EEF1D: variants seen among roughly 807,000 people sequenced by gnomAD.
EEF1D encodes the protein elongation factor 1-delta.
A neutral mutation model predicts 63.9 loss-of-function variants in EEF1D; 47 were observed. The observed-to-expected ratio is 0.74, with a 90% CI of 0.58 to 0.94. The LOEUF (loss-of-function observed/expected upper bound fraction) is 0.94. EEF1D is among the 40% of genes least tolerant of loss of function. The pLI, the probability that EEF1D is intolerant of heterozygous loss-of-function variation, is 0.00. For synonymous variants in EEF1D, 412 were observed against 386.1 expected, an observed-to-expected ratio of 1.07 and a Z score of -0.79; for missense variants, 907 against 899.0, an observed-to-expected ratio of 1.01 and a Z score of -0.11.
In EEF1D at chr8:143,589,072, ACCCG is replaced by A; in HGVS notation, c.1006_1009del (p.Arg336TrpfsTer25). ...GGAGGCAGCTTCGAGGCACCAGGCC[ACCCG>A]CAGGGCCTCGGCAGCGTGGTGGCGG... is the stretch of plus-strand genomic sequence containing the variant. On this transcript the variant is annotated frameshift_variant, in exon 3 of 10. Transcript: ENST00000618139. LOFTEE classifies it high-confidence loss of function. 1 of 1,609,044 alleles carries A rather than the reference ACCCG, an allele frequency of 6.2e-7. No homozygotes were observed. Among genetic ancestry groups the A allele is most frequent in the Non-Finnish European group, 8.5e-7 (1 of 1,179,432 alleles).
At chr8:143,586,901 G>C in intron 3 of EEF1D, 49 bp from the exon 4 acceptor site, 1 of 1,607,056 alleles carries the variant, frequency 6.2e-7, no homozygotes, top group Non-Finnish European at 8.5e-7. Flanking sequence ...GTGGGCCTCG[G>C]CATCAGGACA....
At chr8:143,580,889 G>A (rs1825367785) in intron 7 of EEF1D, 162 bp from the exon 8 acceptor site, 3 of 1,103,182 alleles carry the variant, frequency 2.7e-6, no homozygotes, top group Non-Finnish European at 3.9e-6. Flanking sequence ...GACAAAAACT[G>A]CCTCCACCTG....
At chr8:143,587,048 A>G (rs1826798833) in intron 3 of EEF1D, 196 bp from the exon 4 acceptor site, 5 of 645,594 alleles carry the variant, frequency 7.7e-6, no homozygotes, top group Admixed American at 6.3e-5. Context: ...GAGTTCTCAA[A>G]GTGTGGTCCG....
In EEF1D at chr8:143,589,749, C is replaced by A; in HGVS notation, c.333G>T (p.Val111=). Residue 111 remains valine, a synonymous_variant, in exon 3 of 10, where the codon GTG becomes GTT. Transcript: ENST00000618139. The stretch of plus-strand genomic sequence containing the variant: ...GGTCGAAAAGTGACTTGTCCAGCCA[C>A]ACGCGTTCGGCCGAGAGGCCCAGGA... ...LALLGLSAER[V]WLDKSLFDQA... 6.5e-7 allele frequency: 1 copy of A among 1,532,704 alleles called. No individual in the cohort carries two copies. Among genetic ancestry groups the A allele is most frequent in the Non-Finnish European group, 8.8e-7 (1 of 1,140,818 alleles). 94.9% of individuals were successfully genotyped at this position (1,532,704 alleles called of 1,614,324 possible). A position where few individuals can be genotyped will look rare whatever the true frequency, so the allele number is the denominator to read the frequency against.
chr8:143,590,505 G>T, intron 2 of EEF1D: 1 of 1,162,532 alleles, frequency 8.6e-7, no homozygotes, highest in Non-Finnish European at 1.1e-6. Flanking sequence ...GGCCAGGCCT[G>T]GCCACCCCAC....
chr8:143,590,345 A>C lies in EEF1D; in HGVS notation c.1-264T>G. The C allele has an allele frequency of 4.7e-6, 3 of 635,010 alleles. No individual in the cohort carries two copies. In the South Asian group the frequency reaches 5.9e-5, roughly 13 times the overall value. 39.3% of individuals were successfully genotyped at this position (635,010 alleles called of 1,614,324 possible). The stretch of plus-strand genomic sequence containing the variant: ...TGTAATCTCAGTACTCTGGGAGGCC[A>C]AGTGCCTCCCAATACATGAACAATA... On this transcript the variant is annotated intron_variant, in intron 2 of 9. Coordinates refer to ENST00000618139, the MANE Select transcript of EEF1D (RefSeq NM_001130053.5).
intron 4 of EEF1D, among the ~76,000 whole-genome samples, 165 bp downstream of exon 4, chr8:143,586,564 G>A (rs1422859900): frequency 6.6e-6 from 1 of 152,146 alleles, no homozygotes; most frequent in Non-Finnish European, 1.5e-5. Context: ...CGGCCCGGGG[G>A]CCCGGCCAAG....
intron 1 of EEF1D, among the ~76,000 whole-genome samples, chr8:143,594,963 T>C (rs1376728516): frequency 1.3e-5 from 2 of 152,200 alleles, no homozygotes; most frequent in African/African-American, 2.4e-5. Context: ...TGGAGTGCAG[T>C]GGCGCGATCT....
Position 143,589,496 on chromosome 8 carries a change from T to A in EEF1D, c.586A>T (p.Thr196Ser). 1 of 1,517,758 alleles carries A rather than the reference T, an allele frequency of 6.6e-7. No individual in the cohort carries two copies. The highest frequency in any genetic ancestry group is 8.9e-7 in the Non-Finnish European group (1 of 1,129,632). 94.0% of individuals were successfully genotyped at this position (1,517,758 alleles called of 1,614,324 possible). A position where few individuals can be genotyped will look rare whatever the true frequency, so the allele number is the denominator to read the frequency against. The change falls in exon 3 of 10, where the codon ACT (threonine) becomes TCT (serine). Residue 196 changes from threonine to serine, a missense_variant. By Grantham distance (58) the Thr-to-Ser change is moderately conservative. Transcript: ENST00000618139. ...LAPDGSRRQGTPNTGQQVAVP... is the reference protein window; with the variant it reads ...LAPDGSRRQGSPNTGQQVAVP... ...GCCACCTGCTGGCCTGTGTTGGGAG[T>A]CCCCTGCCTGCGGCTGCCGTCGGGG...
rs376925270 is a variant in EEF1D, at chr8:143,589,116, G to A, written c.966C>T (p.Tyr322=). The A allele has an allele frequency of 5.7e-5, 91 of 1,610,348 alleles. 3 individuals are homozygous for A. The South Asian group carries it at 7.1e-4, about 12-fold the overall frequency. The change falls in exon 3 of 10, where the codon TAC becomes TAT. Residue 322 remains tyrosine (Y), a synonymous_variant. Coordinates refer to ENST00000618139, the MANE Select transcript of EEF1D (RefSeq NM_001130053.5). The part of the protein sequence containing the change: ...AEAPWLSKPA[Y]DSAECRHHAA... ...CGTGGTGGCGGCACTCGGCGCTGTC[G>A]TAGGCAGGCTTGCTGAGCCAGGGGG...
chr8:143,596,176 C>T (rs75547282), intron 1 of EEF1D: 21,554 of 152,598 alleles, frequency 0.14, 1,944 homozygotes, highest in East Asian at 0.34. Flanking sequence ...GCAGCGGGGG[C>T]TCTGTCGGCT....
At chr8:143,596,365 G>A (rs531388969) in intron 1 of EEF1D, 5 of 152,410 alleles carry the variant, frequency 3.3e-5, no homozygotes, top group African/African-American at 1.2e-4. Context: ...TTCCTCAGAG[G>A]ACGCTCGGGG....
intron 1 of EEF1D, chr8:143,594,092 C>G: frequency 1.1e-5 from 2 of 188,444 alleles, no homozygotes; most frequent in Non-Finnish European, 2.0e-5. Context: ...CACAGGGAGA[C>G]AGCTGGCTGC....
At chr8:143,594,821 G>A (rs1271202848) in intron 1 of EEF1D, among the ~76,000 whole-genome samples, 2 of 152,256 alleles carry the variant, frequency 1.3e-5, no homozygotes, top group Non-Finnish European at 2.9e-5. Context: ...AGAGGCTGGA[G>A]CCCCTGAGGA....
In EEF1D at chr8:143,589,492, G is replaced by A; in HGVS notation, c.590C>T (p.Pro197Leu). ...GACGGCCACCTGCTGGCCTGTGTTGGGAGTCCCCTGCCTGCGGCTGCCGTC... is the reference window on the plus strand; with the variant it reads ...GACGGCCACCTGCTGGCCTGTGTTGAGAGTCCCCTGCCTGCGGCTGCCGTC... ...APDGSRRQGT[P>L]NTGQQVAVPD... The change falls in exon 3 of 10, where the codon CCC (proline) becomes CTC (leucine). Residue 197 changes from proline (P) to leucine (L), a missense_variant. Transcript: ENST00000618139. 2.0e-6 allele frequency: 3 copies of A among 1,523,514 alleles called. No individual in the cohort carries two copies. The highest frequency in any genetic ancestry group is 2.6e-6 in the Non-Finnish European group (3 of 1,132,088). 94.4% of individuals were successfully genotyped at this position (1,523,514 alleles called of 1,614,324 possible).
intron 2 of EEF1D, chr8:143,592,151 C>T: frequency 2.0e-6 from 2 of 985,492 alleles, no homozygotes; most frequent in Non-Finnish European, 2.4e-6. Flanking sequence ...GAGCAAGAGC[C>T]CAGGAGACAG....
At chr8:143,585,249 A>G (rs1384149218) in intron 5 of EEF1D, among the ~76,000 whole-genome samples, 9 of 152,186 alleles carry the variant, frequency 5.9e-5, no homozygotes, top group Non-Finnish European at 1.2e-4. Flanking sequence ...AAGCAAGTAC[A>G]AGAACCACGT....
intron 8 of EEF1D, 61 bp downstream of exon 8, chr8:143,580,445 G>T (rs1051321946): frequency 2.6e-6 from 4 of 1,564,744 alleles, no homozygotes; most frequent in Non-Finnish European, 3.5e-6. Context: ...CACAGGCTGA[G>T]CCGGCTAGGC....
rs767841859 is a variant in EEF1D at position 143,580,218 on chromosome 8, G to A, written c.1711-12C>T. 3.1e-6 allele frequency: 5 copies of A among 1,610,170 alleles called. No homozygotes were observed. The highest frequency in any genetic ancestry group is 2.2e-5 in the East Asian group (1 of 44,792). Reference sequence around the variant, plus strand: ...GTCTCATCATCCCACTGTGGGGAAAGGGGAGGAAAAGCTGGGGTCAGCCAC... The same window carrying A: ...GTCTCATCATCCCACTGTGGGGAAAAGGGAGGAAAAGCTGGGGTCAGCCAC... On this transcript the variant is annotated splice_polypyrimidine_tract_variant and intron_variant, in intron 8 of 9. Coordinates refer to ENST00000618139, the MANE Select transcript of EEF1D (RefSeq NM_001130053.5).
Sources: allele counts gnomAD v4.1 joint callset (sites outside exome capture counted in the v4.1 genomes callset), GRCh38; gene constraint gnomAD v4.1.1; transcripts MANE v1.5; gene names NCBI Gene and HGNC (gene_info 2026-07-23, HGNC 2026-07-21).